The following SLC35D1 variants were observed in gnomAD, a reference collection of about 807,000 sequenced individuals.
SLC35D1 encodes the protein nucleotide sugar transporter SLC35D1.
SLC35D1 carries 31 observed loss-of-function variants against 46.7 expected under a neutral mutation model. The observed-to-expected ratio is 0.66, with a 90% CI of 0.50 to 0.90. The LOEUF is 0.90. Among genes scored for constraint, SLC35D1 ranks in the 40% least tolerant of loss-of-function variants. The pLI, the probability that SLC35D1 is intolerant of heterozygous loss-of-function variation, is 0.00. For synonymous variants in SLC35D1, 195 were observed against 164.6 expected (o/e 1.18, Z -1.41); for missense variants, 397 against 426.2 (o/e 0.93, Z 0.60).
At chr1:67,027,840 T>C (rs1435375265) in intron 8 of SLC35D1, among the ~76,000 whole-genome samples, 1 of 152,190 alleles carries the variant, frequency 6.6e-6, no homozygotes, top group East Asian at 1.9e-4. Context: ...CAAGTGATTC[T>C]CGTGCTTCAG....
intron 10 of SLC35D1, among the ~76,000 whole-genome samples, chr1:67,015,222 A>T (rs1667659806): frequency 6.6e-6 from 1 of 150,920 alleles, no homozygotes; most frequent in Admixed American, 6.6e-5. Flanking sequence ...TTTTTAATTA[A>T]AAAAACAAAA....
At chr1:67,052,697 C>A in intron 3 of SLC35D1, 74 bp downstream of exon 3, 2 of 1,493,948 alleles carry the variant, frequency 1.3e-6, no homozygotes, top group Non-Finnish European at 1.9e-6. Flanking sequence ...TTTAAATACG[C>A]AAGGCACTGA....
the SLC35D1 span, chr1:66,976,618 ATG>A: frequency 6.2e-7 from 1 of 1,601,632 alleles, no homozygotes; most frequent in South Asian, 1.1e-5. Context: ...CAGTTGGTGA[ATG>A]TGTAGCATTC....
intron 8 of SLC35D1, among the ~76,000 whole-genome samples, chr1:67,024,094 G>C (rs1285676494): frequency 6.6e-6 from 1 of 151,714 alleles, no homozygotes; most frequent in Non-Finnish European, 1.5e-5. Context: ...ACAGGTGCAT[G>C]CCACCACACC....
chr1:67,023,425 T>A (rs1667851512), intron 8 of SLC35D1, among the ~76,000 whole-genome samples: 1 of 152,182 alleles, frequency 6.6e-6, no homozygotes, highest in African/African-American at 2.4e-5. Context: ...ATATTGAGTA[T>A]CTTTTAATCT....
At chr1:67,023,470 GTCTAAA>G (rs1558156192) in intron 8 of SLC35D1, among the ~76,000 whole-genome samples, 1 of 147,070 alleles carries the variant, frequency 6.8e-6, no homozygotes, top group African/African-American at 2.5e-5. Flanking sequence ...TGAAGTGTCT[GTCTAAA>G]TCTTTTGCCA....
At chr1:66,989,758 T>C in the SLC35D1 span, among the ~76,000 whole-genome samples, 1 of 152,210 alleles carries the variant, frequency 6.6e-6, no homozygotes, top group Admixed American at 6.5e-5. Context: ...CCACCATGTC[T>C]GAGCTTAAAC....
At chr1:66,985,089 C>CT in the SLC35D1 span, 2 of 1,288,314 alleles carry the variant, frequency 1.6e-6, no homozygotes, top group Non-Finnish European at 2.0e-6. Flanking sequence ...CTGTCAGACT[C>CT]TTTTAAGGGT....
chr1:66,984,354 T>C, the SLC35D1 span, among the ~76,000 whole-genome samples: 1 of 152,232 alleles, frequency 6.6e-6, no homozygotes, highest in South Asian at 2.1e-4. Context: ...GAGGAATATC[T>C]ATTATGATCT....
At position 67,002,351 on chromosome 1, in the gene SLC35D1, T is replaced by A. The variant is rs1290018887; in HGVS notation, c.*1989A>T. The A allele has an allele frequency of 6.6e-6, 1 of 152,354 alleles. No homozygotes were observed. The highest frequency in any genetic ancestry group is 2.4e-5 in the African/African-American group (1 of 41,450). The allele number at this position is 152,354 out of a possible 1,614,324, so 9.4% of individuals were successfully genotyped here. The stretch of plus-strand genomic sequence containing the variant: ...AATCAACTGCTTGCTTTTTTGAAAG[T>A]GCTCAAGTGAACTCAGGATCTGTTT... On this transcript the variant is annotated 3_prime_UTR_variant, in exon 12 of 12. Coordinates refer to ENST00000235345, the MANE Select transcript of SLC35D1 (RefSeq NM_015139.3).
intron 8 of SLC35D1, among the ~76,000 whole-genome samples, chr1:67,040,160 A>T (rs1668212028): frequency 6.6e-6 from 1 of 151,874 alleles, no homozygotes; most frequent in South Asian, 2.1e-4. Context: ...ATTTGTGCTA[A>T]TTTTTTTGGA....
intron 5 of SLC35D1, 106 bp from the exon 6 acceptor site, chr1:67,049,956 G>GT (rs1645291036): frequency 1.2e-6 from 1 of 827,236 alleles, no homozygotes; most frequent in Admixed American, 2.2e-5. Flanking sequence ...ATAAACAATC[G>GT]TATTTTAAAC....
intron 7 of SLC35D1, among the ~76,000 whole-genome samples, chr1:67,046,226 T>C (rs1021037251): frequency 6.6e-6 from 1 of 152,178 alleles, no homozygotes; most frequent in African/African-American, 2.4e-5. Context: ...GAATCTACAC[T>C]TCTTTTCTAG....
At chr1:67,023,472 C>G (rs1667852800) in intron 8 of SLC35D1, among the ~76,000 whole-genome samples, 2 of 145,822 alleles carry the variant, frequency 1.4e-5, no homozygotes, top group African/African-American at 5.1e-5. Flanking sequence ...AAGTGTCTGT[C>G]TAAATCTTTT....
the SLC35D1 span, chr1:66,976,702 T>C: frequency 1.9e-5 from 30 of 1,605,366 alleles, no homozygotes; most frequent in Non-Finnish European, 2.0e-5. Context: ...AGAAGAAATA[T>C]AATCTTCATC....
chr1:66,996,244 G>A (rs977917478), downstream of SLC35D1, among the ~76,000 whole-genome samples: 1 of 152,168 alleles, frequency 6.6e-6, no homozygotes, highest in Non-Finnish European at 1.5e-5. Flanking sequence ...GCCACAAGAG[G>A]GCACTTTTAG....
rs558907753 is a variant in SLC35D1, at chr1:67,053,316, T to G, written c.204-327A>C. The stretch of plus-strand genomic sequence containing the variant: ...CTTAAAAAAAAAAACAACCAACTTC[T>G]GCCTCTGGGTCCCAGTGTTAGCAAG... On this transcript the variant is annotated intron_variant, in intron 1 of 11. Transcript: ENST00000235345. 1.2e-4 allele frequency among the ~76,000 whole-genome samples: 18 copies of G among 149,986 alleles called. No individual in the cohort carries two copies. The South Asian group carries it at 3.8e-3, about 32-fold the overall frequency.
intron 8 of SLC35D1, among the ~76,000 whole-genome samples, chr1:67,034,755 T>G (rs561441717): frequency 1.3e-5 from 2 of 152,324 alleles, no homozygotes; most frequent in African/African-American, 4.8e-5. Context: ...CCTTGTTGTG[T>G]TCTGATCTTA....
chr1:66,985,483 A>G, the SLC35D1 span: 3 of 983,246 alleles, frequency 3.1e-6, no homozygotes, highest in Middle Eastern at 5.2e-4. Flanking sequence ...TCAGGTTTGT[A>G]TATGTAAAAT....
Sources: allele counts gnomAD v4.1 joint callset (sites outside exome capture counted in the v4.1 genomes callset), GRCh38; gene constraint gnomAD v4.1.1; transcripts MANE v1.5; gene names NCBI Gene and HGNC (gene_info 2026-07-23, HGNC 2026-07-21).